ITGA1: variants seen among roughly 807,000 people sequenced by gnomAD.
ITGA1 encodes the protein integrin alpha-1.
Under a neutral mutation model 145.9 loss-of-function variants are expected in ITGA1, and 85 were observed. That is an observed-to-expected ratio of 0.58 (90% CI 0.49 to 0.70). The LOEUF (loss-of-function observed/expected upper bound fraction) is 0.70. Ranked by LOEUF, ITGA1 falls within the 30% of genes least tolerant of loss-of-function variation. The pLI is 0.00. For synonymous variants in ITGA1, 520 were observed against 495.3 expected, an observed-to-expected ratio of 1.05 and a Z score of -0.66; for missense variants, 1,351 against 1,418.7, an observed-to-expected ratio of 0.95 and a Z score of 0.77.
chr5:52,882,435 A>T (rs1201069867), intron 7 of ITGA1, among the ~76,000 whole-genome samples: 1 of 151,996 alleles, frequency 6.6e-6, no homozygotes, highest in Non-Finnish European at 1.5e-5. Flanking sequence ...ATGTATTTTC[A>T]GTACTTGATT....
intron 1 of ITGA1, among the ~76,000 whole-genome samples, chr5:52,804,804 G>A (rs898137617): frequency 1.3e-5 from 2 of 152,110 alleles, no homozygotes; most frequent in Non-Finnish European, 1.5e-5. Context: ...AGTTAAGACT[G>A]GCTATTTGTG....
chr5:52,849,076 C>A (rs912314130), intron 1 of ITGA1, among the ~76,000 whole-genome samples: 1 of 152,062 alleles, frequency 6.6e-6, no homozygotes, highest in Non-Finnish European at 1.5e-5. Context: ...GATTTATAAT[C>A]CTTTGCATAT....
intron 1 of ITGA1, among the ~76,000 whole-genome samples, chr5:52,823,380 T>C (rs1322667515): frequency 6.6e-6 from 1 of 152,084 alleles, no homozygotes; most frequent in Non-Finnish European, 1.5e-5. Flanking sequence ...AATTTTTGTA[T>C]TTTTTAGTAG....
chr5:52,802,603 T>C (rs1748512108), intron 1 of ITGA1: 1 of 152,224 alleles, frequency 6.6e-6, no homozygotes, highest in African/African-American at 2.4e-5. Flanking sequence ...TGTGATTTGC[T>C]TGTTATGTGG....
chr5:52,797,123 C>T (rs1748359096), intron 1 of ITGA1, among the ~76,000 whole-genome samples: 1 of 151,628 alleles, frequency 6.6e-6, no homozygotes, highest in Non-Finnish European at 1.5e-5. Flanking sequence ...AATACTAAGC[C>T]ATAAACAAAA....
At position 52,918,814 on chromosome 5, in the gene ITGA1, G is replaced by T. The variant is rs916529470; in HGVS notation, c.2071G>T (p.Glu691Ter). ...VNIQKKNCHM[E>*]GKETVCINAT... Reference sequence around the variant, plus strand: ...TATTCAAAAGAAAAACTGCCATATGGAGGGAAAGGAAACAGTATGCATAAA... The same window carrying T: ...TATTCAAAAGAAAAACTGCCATATGTAGGGAAAGGAAACAGTATGCATAAA... The change falls in exon 16 of 29, where the codon GAG (glutamate) becomes TAG (stop). Residue 691 changes from glutamate to a stop codon, truncating the protein, a stop_gained. Coordinates refer to ENST00000282588, the MANE Select transcript of ITGA1 (RefSeq NM_181501.2). LOFTEE classifies it high-confidence loss of function. 3.7e-6 allele frequency: 6 copies of T among 1,612,738 alleles called. No homozygotes were observed. The highest frequency in any genetic ancestry group is 4.2e-6 in the Non-Finnish European group (5 of 1,179,360).
chr5:52,898,345 A>T lies in ITGA1; in HGVS notation c.1271A>T (p.Glu424Val). Residue 424 changes from glutamate to valine, a missense_variant, in exon 11 of 29, where the codon GAG becomes GTG. Glu to Val is a moderately radical substitution (Grantham distance 121). Coordinates refer to ENST00000282588, the MANE Select transcript of ITGA1 (RefSeq NM_181501.2). ...IIPRNTTFNV[E>V]STKKNEPLAS... ...CCTCGAAACACAACCTTTAATGTTGAGTCTACCAAAAAGAATGAACCGCTT... is the reference window on the plus strand; with the variant it reads ...CCTCGAAACACAACCTTTAATGTTGTGTCTACCAAAAAGAATGAACCGCTT... The T allele has an allele frequency of 6.2e-7, 1 of 1,609,924 alleles. No individual in the cohort carries two copies. The highest frequency in any genetic ancestry group is 1.1e-5 in the South Asian group (1 of 90,446).
intron 1 of ITGA1, among the ~76,000 whole-genome samples, chr5:52,819,087 A>C (rs1748823741): frequency 6.6e-6 from 1 of 152,198 alleles, no homozygotes; most frequent in African/African-American, 2.4e-5. Flanking sequence ...TGCTATTGTG[A>C]ATAGTGCCGC....
chr5:52,859,217 G>T (rs1402622643), intron 2 of ITGA1, among the ~76,000 whole-genome samples: 6 of 151,968 alleles, frequency 3.9e-5, no homozygotes, highest in Non-Finnish European at 2.9e-5. Flanking sequence ...CTTTGAGTTC[G>T]ATCATAAATA....
chr5:52,834,117 T>A (rs1326383992), intron 1 of ITGA1, among the ~76,000 whole-genome samples: 1 of 152,190 alleles, frequency 6.6e-6, no homozygotes, highest in East Asian at 1.9e-4. Flanking sequence ...GTGGTGGCTC[T>A]ATTGTCAGCA....
rs746120775 is a variant in ITGA1, at chr5:52,925,362, C to T, written c.2488C>T (p.Leu830=). The change falls in exon 19 of 29, where the codon CTG becomes TTG. Residue 830 remains leucine (L), a synonymous_variant. Coordinates refer to ENST00000282588, the MANE Select transcript of ITGA1 (RefSeq NM_181501.2). Reference sequence around the variant, plus strand: ...TGTCGCCACCACTGAAAAGGACCTGCTGATTGTCCGATCCCAGAATGATAA... The same window carrying T: ...TGTCGCCACCACTGAAAAGGACCTGTTGATTGTCCGATCCCAGAATGATAA... ...LHVATTEKDL[L]IVRSQNDKFN... is the part of the protein sequence containing the mutation. 3.7e-6 allele frequency: 6 copies of T among 1,614,024 alleles called. No individual in the cohort carries two copies. The Admixed American group carries it at 8.3e-5, about 22-fold the overall frequency.
intron 1 of ITGA1, among the ~76,000 whole-genome samples, chr5:52,790,223 C>T (rs1748212294): frequency 1.3e-5 from 2 of 152,174 alleles, no homozygotes; most frequent in Non-Finnish European, 1.5e-5. Context: ...CCTCCTAATA[C>T]ATCATTTTTA....
At chr5:52,883,740 TGATATA>T (rs1750002488) in intron 7 of ITGA1, among the ~76,000 whole-genome samples, 1 of 152,146 alleles carries the variant, frequency 6.6e-6, no homozygotes, top group Non-Finnish European at 1.5e-5. Context: ...GGGACACTCT[TGATATA>T]TTTTAATTTT....
rs867150548 is a variant in ITGA1 at position 52,802,825 on chromosome 5, G to C, written c.61+14411G>C. On this transcript the variant is annotated intron_variant, in intron 1 of 28. Transcript: ENST00000282588. The stretch of plus-strand genomic sequence containing the variant: ...TTCTAAAGTTTAAGTCACATGACTA[G>C]TATGTGGCAGTTGACTTAAACTCCA... 10 of 152,294 alleles carry C rather than the reference G, an allele frequency of 6.6e-5. No individual in the cohort carries two copies. In the Middle Eastern group the frequency reaches 0.01, roughly 155 times the overall value. The allele number at this position is 152,294 out of a possible 1,614,324, so 9.4% of individuals were successfully genotyped here. A position where few individuals can be genotyped will look rare whatever the true frequency, so the allele number is the denominator to read the frequency against.
intron 1 of ITGA1, among the ~76,000 whole-genome samples, chr5:52,796,660 C>T (rs1485461459): frequency 2.6e-5 from 4 of 152,036 alleles, no homozygotes; most frequent in African/African-American, 9.7e-5. Flanking sequence ...AGCTGCCATA[C>T]TTTACATTTG....
In ITGA1 at chr5:52,864,951, T is replaced by C. The variant is rs934293630; in HGVS notation, c.385-20T>C. The C allele has an allele frequency of 5.0e-6, 8 of 1,594,502 alleles. No individual in the cohort carries two copies. Among genetic ancestry groups the C allele is most frequent in the Non-Finnish European group, 5.1e-6 (6 of 1,169,692 alleles). On this transcript the variant is annotated intron_variant, in intron 4 of 28. Transcript: ENST00000282588. ...AATTTTCAGTCTAATGATTTCTAAT[T>C]TTAAAACAATTTTTTAAAGGCTTGT...
chr5:52,838,655 A>G lies in ITGA1; in HGVS notation c.62-10710A>G, dbSNP rs1749201835. Among the ~76,000 whole-genome samples the G allele has an allele frequency of 2.0e-5, 3 of 152,220 alleles. No individual in the cohort carries two copies. In the South Asian group the frequency reaches 6.2e-4, roughly 32 times the overall value. On this transcript the variant is annotated intron_variant, in intron 1 of 28. Transcript: ENST00000282588. ...TCTTTAAGTCCCACAGCAAAATAAAACATAGGTAGGCCTCATTTTATGTTT... is the reference window on the plus strand; with the variant it reads ...TCTTTAAGTCCCACAGCAAAATAAAGCATAGGTAGGCCTCATTTTATGTTT...
intron 6 of ITGA1, among the ~76,000 whole-genome samples, chr5:52,869,143 A>G (rs1320353813): frequency 6.6e-6 from 1 of 152,110 alleles, no homozygotes; most frequent in East Asian, 1.9e-4. Context: ...TATATAAGCA[A>G]CCCATATGAT....
intron 11 of ITGA1, chr5:52,901,732 A>G (rs937420467): frequency 6.6e-6 from 1 of 152,242 alleles, no homozygotes; most frequent in Non-Finnish European, 1.5e-5. Flanking sequence ...TTCAACTTAA[A>G]GATGCCACTG....
Sources: allele counts gnomAD v4.1 joint callset (sites outside exome capture counted in the v4.1 genomes callset), GRCh38; gene constraint gnomAD v4.1.1; transcripts MANE v1.5; gene names NCBI Gene and HGNC (gene_info 2026-07-23, HGNC 2026-07-21).